The following EIF2AK4 variants were observed in gnomAD, a reference collection of about 807,000 sequenced individuals.
EIF2AK4 encodes the protein eukaryotic translation initiation factor 2 alpha kinase 4.
In EIF2AK4, 139 loss-of-function variants were observed where a neutral mutation model predicts 211.1. The ratio of observed to expected loss-of-function variants is 0.66; its 90% confidence interval spans 0.57 to 0.76. EIF2AK4 has a LOEUF of 0.76. EIF2AK4 is among the 30% of genes least tolerant of loss of function. EIF2AK4 has a pLI of 0.00. For missense variants in EIF2AK4, 1,664 were observed against 2,043.8 expected, an observed-to-expected ratio of 0.81 and a Z score of 3.58; for synonymous variants, 710 against 751.3, an observed-to-expected ratio of 0.94 and a Z score of 0.90.
chr15:40,024,635 T>C (rs2035440550), intron 32 of EIF2AK4, among the ~76,000 whole-genome samples: 1 of 151,414 alleles, frequency 6.6e-6, no homozygotes, highest in Non-Finnish European at 1.5e-5. Flanking sequence ...CCTGACCTCA[T>C]GATCCACCCA....
chr15:39,962,526 A>G (rs2034487486), intron 7 of EIF2AK4, among the ~76,000 whole-genome samples: 1 of 152,142 alleles, frequency 6.6e-6, no homozygotes, highest in Non-Finnish European at 1.5e-5. Context: ...TGGCACAATC[A>G]TAGCTCACTG....
At chr15:40,023,043 C>T (rs1373220506) in intron 32 of EIF2AK4, among the ~76,000 whole-genome samples, 2 of 152,094 alleles carry the variant, frequency 1.3e-5, no homozygotes, top group African/African-American at 4.8e-5. Flanking sequence ...GGGTTTCTTG[C>T]TGAAGAAAAT....
intron 32 of EIF2AK4, among the ~76,000 whole-genome samples, chr15:40,023,193 G>C (rs2035417542): frequency 6.6e-6 from 1 of 152,088 alleles, no homozygotes; most frequent in Non-Finnish European, 1.5e-5. Context: ...AAGTAAAGTT[G>C]TATCTGCTGA....
chr15:40,026,207 C>A, intron 33 of EIF2AK4, 118 bp downstream of exon 33: 1 of 902,356 alleles, frequency 1.1e-6, no homozygotes, highest in Non-Finnish European at 1.7e-6. Flanking sequence ...GTAATCCCAG[C>A]ACTTTGGGAG....
intron 23 of EIF2AK4, among the ~76,000 whole-genome samples, chr15:40,006,051 C>T (rs1213982158): frequency 6.6e-6 from 1 of 151,902 alleles, no homozygotes; most frequent in East Asian, 1.9e-4. Flanking sequence ...CCGTGCACAT[C>T]AGGTTGTTTG....
At chr15:39,984,201 A>G (rs887613979) in intron 13 of EIF2AK4, among the ~76,000 whole-genome samples, 3 of 152,128 alleles carry the variant, frequency 2.0e-5, no homozygotes, top group African/African-American at 7.2e-5. Context: ...GTTCTGTTCC[A>G]TTGGTCTATA....
chr15:39,943,539 C>G, intron 3 of EIF2AK4, 54 bp downstream of exon 3: 1 of 1,385,396 alleles, frequency 7.2e-7, no homozygotes, highest in East Asian at 2.4e-5. Context: ...CCCATTACAC[C>G]TCAAATCCAA....
At chr15:40,028,079 CT>C (rs35186495) in intron 33 of EIF2AK4, among the ~76,000 whole-genome samples, 2,671 of 143,956 alleles carry the variant, frequency 0.019, 32 homozygotes, top group Non-Finnish European at 0.026. Flanking sequence ...TTTGCAACTC[CT>C]TTTTTTTTTT....
chr15:40,004,484 G>A (rs1274926019), intron 23 of EIF2AK4, among the ~76,000 whole-genome samples: 1 of 152,178 alleles, frequency 6.6e-6, no homozygotes, highest in Non-Finnish European at 1.5e-5. Context: ...CTAGGTAGGA[G>A]GAGTGCTTGA....
At chr15:39,952,267 T>C (rs2034328669) in intron 4 of EIF2AK4, among the ~76,000 whole-genome samples, 1 of 149,710 alleles carries the variant, frequency 6.7e-6, no homozygotes, top group African/African-American at 2.5e-5. Context: ...CTGTTTGTTT[T>C]TGTTTTCTGT....
chr15:39,952,583 T>C (rs948626459), intron 4 of EIF2AK4, among the ~76,000 whole-genome samples: 2 of 152,128 alleles, frequency 1.3e-5, no homozygotes, highest in Non-Finnish European at 2.9e-5. Context: ...GCACCATTTG[T>C]ATATCTATTT....
intron 12 of EIF2AK4, 57 bp downstream of exon 12, chr15:39,976,901 A>ATTT: frequency 7.4e-7 from 1 of 1,359,390 alleles, no homozygotes; most frequent in Non-Finnish European, 9.6e-7. Flanking sequence ...TCCTTTCTTT[A>ATTT]TTTTTTTTTC....
At position 39,964,205 on chromosome 15, in the gene EIF2AK4, A is replaced by G. The variant is rs139029210; in HGVS notation, c.860-1481A>G. The stretch of plus-strand genomic sequence containing the variant: ...TGAGCTAGTTCAGCCATATTTTTCC[A>G]AAGTATTTTTGCTGAGACATCTTTA... On this transcript the variant is annotated intron_variant, in intron 7 of 38. Transcript: ENST00000263791. Among the ~76,000 whole-genome samples the G allele has an allele frequency of 6.6e-5, 10 of 152,354 alleles. No individual in the cohort carries two copies. The East Asian group carries it at 1.7e-3, about 26-fold the overall frequency.
At chr15:39,947,738 A>G (rs1412997248) in intron 3 of EIF2AK4, among the ~76,000 whole-genome samples, 4 of 152,240 alleles carry the variant, frequency 2.6e-5, no homozygotes, top group Non-Finnish European at 5.9e-5. Flanking sequence ...GGCATTCAGG[A>G]GAGGCCTCCA....
Position 40,016,627 on chromosome 15 carries a change from A to G in EIF2AK4, c.3885A>G (p.Leu1295=), listed in dbSNP as rs1298722542. 1.2e-6 allele frequency: 2 copies of G among 1,614,130 alleles called. No homozygotes were observed. Among genetic ancestry groups the G allele is most frequent in the Non-Finnish European group, 1.7e-6 (2 of 1,180,048 alleles). ...AQLVKYGLKD[L]EEVVGLLKKL... ...TGGTGAAGTATGGCTTAAAAGACCTAGAGGAGGTTGTTGGACTGTTGAAGA... is the reference window on the plus strand; with the variant it reads ...TGGTGAAGTATGGCTTAAAAGACCTGGAGGAGGTTGTTGGACTGTTGAAGA... Residue 1295 remains leucine (L), a synonymous_variant, in exon 28 of 39, where the codon CTA becomes CTG. Transcript: ENST00000263791.
intron 3 of EIF2AK4, among the ~76,000 whole-genome samples, chr15:39,944,710 G>A (rs930702020): frequency 6.6e-6 from 1 of 152,170 alleles, no homozygotes; most frequent in African/African-American, 2.4e-5. Context: ...TGGGATTACA[G>A]GCGTGAGCCA....
At chr15:40,009,463 A>G (rs1567003458) in intron 25 of EIF2AK4, 151 bp from the exon 26 acceptor site, 6 of 575,250 alleles carry the variant, frequency 1.0e-5, no homozygotes, top group South Asian at 8.8e-5. Flanking sequence ...TGCAAAAAGA[A>G]TGTATGAAAA....
intron 31 of EIF2AK4, among the ~76,000 whole-genome samples, chr15:40,021,286 G>A (rs1389449990): frequency 1.3e-5 from 2 of 152,140 alleles, no homozygotes; most frequent in Non-Finnish European, 2.9e-5. Context: ...GGCTCCTCTG[G>A]GAAGCTCTAG....
chr15:39,969,399 C>T (rs1246500110), intron 9 of EIF2AK4, among the ~76,000 whole-genome samples: 3 of 125,446 alleles, frequency 2.4e-5, no homozygotes, highest in African/African-American at 9.3e-5. Flanking sequence ...CTGGCTGTGT[C>T]GCCCAGGCTG....
Sources: allele counts gnomAD v4.1 joint callset (sites outside exome capture counted in the v4.1 genomes callset), GRCh38; gene constraint gnomAD v4.1.1; transcripts MANE v1.5; gene names NCBI Gene and HGNC (gene_info 2026-07-23, HGNC 2026-07-21).